The following DNAH11 variants were observed in gnomAD, a reference collection of about 807,000 sequenced individuals.
DNAH11 encodes dynein axonemal heavy chain 11.
Under a neutral mutation model 526.0 loss-of-function variants are expected in DNAH11, and 442 were observed. The ratio of observed to expected loss-of-function variants is 0.84; its 90% CI spans 0.78 to 0.91. The LOEUF is 0.91. Among genes scored for constraint, DNAH11 ranks in the 40% least tolerant of loss-of-function variants. DNAH11 has a pLI of 0.00. For synonymous variants in DNAH11, 2,461 were observed against 1,935.9 expected (o/e 1.27, Z -7.12); for missense variants, 6,989 against 5,448.7 (o/e 1.28, Z -8.90).
At chr7:21,723,671 A>G (rs1784967368) in intron 44 of DNAH11, among the ~76,000 whole-genome samples, 1 of 152,068 alleles carries the variant, frequency 6.6e-6, no homozygotes, top group South Asian at 2.1e-4. Flanking sequence ...TTCTATTTAC[A>G]AGGCCTCTGA....
chr7:21,699,704 A>G (rs1783984049), intron 36 of DNAH11, among the ~76,000 whole-genome samples: 2 of 152,032 alleles, frequency 1.3e-5, no homozygotes, highest in East Asian at 3.9e-4. Context: ...TCTTTTTTTA[A>G]TGAGCCTATT....
At chr7:21,817,261 T>C (rs1482350766) in intron 64 of DNAH11, among the ~76,000 whole-genome samples, 1 of 152,170 alleles carries the variant, frequency 6.6e-6, no homozygotes, top group Non-Finnish European at 1.5e-5. Flanking sequence ...AAAGCTGTCT[T>C]GTATGCAGTT....
At chr7:21,609,033 A>G (rs1194276285) in intron 20 of DNAH11, among the ~76,000 whole-genome samples, 1 of 152,212 alleles carries the variant, frequency 6.6e-6, no homozygotes, top group African/African-American at 2.4e-5. Context: ...TCAGTCCACA[A>G]GACAGAAAAC....
chr7:21,636,040 G>A lies in DNAH11; in HGVS notation c.4670G>A (p.Arg1557Gln), dbSNP rs1166407911. The A allele has an allele frequency of 1.7e-5, 28 of 1,613,362 alleles. No individual in the cohort carries two copies. In the East Asian group the frequency reaches 2.2e-4, roughly 13 times the overall value. The change falls in exon 26 of 82, where the codon CGA becomes CAA. Residue 1557 changes from arginine to glutamine, a missense_variant. Transcript: ENST00000409508. ...ESIFVCSEDI[R>Q]IQLVKDARRF... is the part of the protein sequence containing the mutation. The stretch of plus-strand genomic sequence containing the variant: ...ATTTTTGTCTGTTCAGAAGATATTC[G>A]AATCCAGCTTGTGAAAGATGCTAGA...
chr7:21,594,985 G>C (rs1784814020), intron 14 of DNAH11, among the ~76,000 whole-genome samples: 1 of 152,186 alleles, frequency 6.6e-6, no homozygotes, highest in Non-Finnish European at 1.5e-5. Context: ...CTGTAGGGAG[G>C]CTAGGGAAGA....
chr7:21,900,214 C>T, intron 81 of DNAH11, 94 bp downstream of exon 81: 1 of 1,326,826 alleles, frequency 7.5e-7, no homozygotes, highest in East Asian at 2.4e-5. Context: ...CATCTCCTCA[C>T]TCACACAGTA....
rs752453932 is a variant in DNAH11 at position 21,655,971 on chromosome 7, G to C, written c.5084G>C (p.Cys1695Ser). ...GTCCCATTCCAAGCCGAGTGTGAATGTGTGGGCCATGTAAGATTTGATTAT... is the reference window on the plus strand; with the variant it reads ...GTCCCATTCCAAGCCGAGTGTGAATCTGTGGGCCATGTAAGATTTGATTAT... ...EYVPFQAECE[C>S]VGHVETWLLQ... The change falls in exon 29 of 82, where the codon TGT becomes TCT. Residue 1695 changes from cysteine (C) to serine (S), a missense_variant. By Grantham distance (112) the Cys-to-Ser change is moderately radical. Transcript: ENST00000409508. 1.3e-6 allele frequency: 2 copies of C among 1,599,226 alleles called. No individual in the cohort carries two copies. The highest frequency in any genetic ancestry group is 2.2e-5 in the East Asian group (1 of 44,490).
intron 61 of DNAH11, 55 bp downstream of exon 61, chr7:21,789,397 C>CCT: frequency 8.4e-7 from 1 of 1,190,394 alleles, no homozygotes; most frequent in Non-Finnish European, 1.2e-6. Flanking sequence ...GCTGCCTCCA[C>CCT]CTTAGGATTC....
At chr7:21,563,812 G>A (rs1282634998) in intron 5 of DNAH11, among the ~76,000 whole-genome samples, 2 of 152,172 alleles carry the variant, frequency 1.3e-5, no homozygotes, top group Admixed American at 6.5e-5. Context: ...TAACATTCTA[G>A]TGATGAAGTT....
intron 42 of DNAH11, among the ~76,000 whole-genome samples, chr7:21,714,577 G>T (rs1375251106): frequency 6.6e-6 from 1 of 152,080 alleles, no homozygotes; most frequent in Non-Finnish European, 1.5e-5. Flanking sequence ...TTCTGAGATA[G>T]ACATAATTAT....
At chr7:21,645,098 G>T (rs576464062) in intron 28 of DNAH11, among the ~76,000 whole-genome samples, 1 of 152,320 alleles carries the variant, frequency 6.6e-6, no homozygotes, top group South Asian at 2.1e-4. Context: ...TATAATGTGA[G>T]ATTAAAGTAA....
chr7:21,858,349 T>C (rs552854012), intron 68 of DNAH11, among the ~76,000 whole-genome samples: 1 of 152,226 alleles, frequency 6.6e-6, no homozygotes, highest in Non-Finnish European at 1.5e-5. Context: ...TTAGAAAATA[T>C]GATCTCACAC....
chr7:21,562,893 G>C (rs1015909363), intron 5 of DNAH11, among the ~76,000 whole-genome samples: 3 of 152,098 alleles, frequency 2.0e-5, no homozygotes, highest in Non-Finnish European at 2.9e-5. Context: ...CAAGTGTCTG[G>C]GTTCATCCTT....
chr7:21,739,803 A>G, intron 48 of DNAH11, 130 bp downstream of exon 48: 1 of 645,058 alleles, frequency 1.6e-6, no homozygotes. Flanking sequence ...TTTTATTCCC[A>G]CTAACAACAG....
chr7:21,866,058 T>C (rs1247275062), intron 70 of DNAH11, among the ~76,000 whole-genome samples: 1 of 152,188 alleles, frequency 6.6e-6, no homozygotes, highest in Non-Finnish European at 1.5e-5. Flanking sequence ...CTGTATCTTG[T>C]GCCAACTTCC....
chr7:21,723,480 T>C (rs1486625416), intron 44 of DNAH11, among the ~76,000 whole-genome samples: 1 of 152,220 alleles, frequency 6.6e-6, no homozygotes, highest in Non-Finnish European at 1.5e-5. Flanking sequence ...CATTTCTCAC[T>C]TGGCTTCTGA....
chr7:21,684,061 T>A, intron 32 of DNAH11, 117 bp downstream of exon 32: 1 of 1,061,758 alleles, frequency 9.4e-7, no homozygotes, highest in African/African-American at 1.6e-5. Flanking sequence ...GTGAAAGTGG[T>A]GAAGAGAATT....
At chr7:21,648,212 C>A (rs1787446395) in intron 28 of DNAH11, among the ~76,000 whole-genome samples, 1 of 152,088 alleles carries the variant, frequency 6.6e-6, no homozygotes, top group Non-Finnish European at 1.5e-5. Context: ...AAGTAACAGG[C>A]AAAACAAAGT....
At chr7:21,646,519 C>T (rs564821590) in intron 28 of DNAH11, among the ~76,000 whole-genome samples, 1 of 152,152 alleles carries the variant, frequency 6.6e-6, no homozygotes, top group South Asian at 2.1e-4. Context: ...AACTGAGTAC[C>T]ACAGAGGAAA....
Sources: gnomAD v4.1 joint callset for allele counts (sites outside exome capture counted in the v4.1 genomes callset) on GRCh38, gnomAD v4.1.1 for gene constraint, MANE v1.5 for transcripts, NCBI Gene and HGNC (gene_info 2026-07-23, HGNC 2026-07-21) for gene names.